The following MAML2 variants were observed in gnomAD, a reference collection of about 807,000 sequenced individuals.
The protein encoded by MAML2 is mastermind-like protein 2.
In MAML2, 22 loss-of-function variants were observed where a neutral mutation model predicts 96.1. The observed-to-expected ratio is 0.23, with a 90% CI of 0.16 to 0.33. MAML2 has a LOEUF of 0.33. Among genes scored for constraint, MAML2 ranks in the 10% least tolerant of loss-of-function variants. The probability of loss-of-function intolerance (pLI) is 1.00; values close to 1 mark genes in which losing one functional copy is unlikely to be tolerated. For missense variants in MAML2, 1,367 were observed against 1,392.4 expected (o/e 0.98, Z 0.29); for synonymous variants, 561 against 521.3 (o/e 1.08, Z -1.04).
chr11:96,147,551 T>C (rs1239024540), intron 1 of MAML2, among the ~76,000 whole-genome samples: 5 of 152,278 alleles, frequency 3.3e-5, no homozygotes, highest in African/African-American at 1.2e-4. Flanking sequence ...AACTTTTGGA[T>C]TCGACTCTTC....
intron 1 of MAML2, among the ~76,000 whole-genome samples, chr11:96,111,007 C>G (rs1181430199): frequency 6.6e-6 from 1 of 152,162 alleles, no homozygotes; most frequent in Non-Finnish European, 1.5e-5. Flanking sequence ...CATGTATTAT[C>G]AAGCCTATCA....
intron 1 of MAML2, among the ~76,000 whole-genome samples, chr11:96,269,563 G>T (rs1028370299): frequency 6.9e-6 from 1 of 144,260 alleles, no homozygotes; most frequent in African/African-American, 2.7e-5. Flanking sequence ...CCAGCCCAGA[G>T]TGCAGTGGCA....
chr11:96,153,466 T>A (rs1860959546), intron 1 of MAML2, among the ~76,000 whole-genome samples: 1 of 152,228 alleles, frequency 6.6e-6, no homozygotes, highest in African/African-American at 2.4e-5. Context: ...TTGATCATCA[T>A]GAATTTATTA....
intron 1 of MAML2, among the ~76,000 whole-genome samples, chr11:96,201,314 A>G (rs888904093): frequency 9.9e-5 from 15 of 152,208 alleles, no homozygotes; most frequent in Admixed American, 2.0e-4. Flanking sequence ...GAAGAAGAGA[A>G]GGATGTTTAA....
chr11:95,979,413 C>T lies in MAML2; in HGVS notation c.3006G>A (p.Gln1002=). 6.2e-7 allele frequency: 1 copy of T among 1,613,672 alleles called. No individual in the cohort carries two copies. Among genetic ancestry groups the T allele is most frequent in the Non-Finnish European group, 8.5e-7 (1 of 1,179,764 alleles). Reference sequence around the variant, plus strand: ...GGGAAAATTGCTGGCTACCTACTGCCTGTTGCAGTGACTGATTTGGGGTAT... The same window carrying T: ...GGGAAAATTGCTGGCTACCTACTGCTTGTTGCAGTGACTGATTTGGGGTAT... ...AAYTPNQSLQ[Q]AVGSQQFSQR... The change falls in exon 5 of 5, where the codon CAG becomes CAA. Residue 1002 remains glutamine (Q), a synonymous_variant. Coordinates refer to ENST00000524717, the MANE Select transcript of MAML2 (RefSeq NM_032427.4).
chr11:96,172,511 C>T (rs559915245), intron 1 of MAML2, among the ~76,000 whole-genome samples: 8 of 152,180 alleles, frequency 5.3e-5, no homozygotes, highest in Non-Finnish European at 8.8e-5. Context: ...CGTCCTCTTA[C>T]GCGAGAAGGA....
At chr11:95,988,143 G>GTA (rs1170607485) in intron 3 of MAML2, among the ~76,000 whole-genome samples, 164 of 151,598 alleles carry the variant, frequency 1.1e-3, no homozygotes, top group African/African-American at 3.7e-3. Flanking sequence ...GTGTGTGTGT[G>GTA]TATGTGTGAG....
At chr11:95,993,960 C>G (rs906103657) in intron 2 of MAML2, among the ~76,000 whole-genome samples, 1 of 152,202 alleles carries the variant, frequency 6.6e-6, no homozygotes, top group Non-Finnish European at 1.5e-5. Flanking sequence ...GATGAGAAAC[C>G]TGAGCTCAGA....
chr11:96,219,976 G>A (rs1421062648), intron 1 of MAML2, among the ~76,000 whole-genome samples: 1 of 152,252 alleles, frequency 6.6e-6, no homozygotes, highest in African/African-American at 2.4e-5. Flanking sequence ...TCATCATGTT[G>A]TATTAAATGA....
At chr11:96,030,214 C>A (rs1858591268) in intron 2 of MAML2, among the ~76,000 whole-genome samples, 1 of 148,932 alleles carries the variant, frequency 6.7e-6, no homozygotes, top group East Asian at 2.0e-4. Context: ...CCAGCCTGGG[C>A]AACAGAGTGA....
intron 1 of MAML2, among the ~76,000 whole-genome samples, chr11:96,140,975 A>C (rs1298425972): frequency 6.6e-6 from 1 of 152,178 alleles, no homozygotes; most frequent in African/African-American, 2.4e-5. Context: ...AACATATAGG[A>C]TGCCTAGTTA....
intron 1 of MAML2, among the ~76,000 whole-genome samples, chr11:96,338,556 T>C (rs974033865): frequency 6.6e-6 from 1 of 152,228 alleles, no homozygotes; most frequent in Non-Finnish European, 1.5e-5. Flanking sequence ...CAAACAGAAG[T>C]TGTCCTTTCA....
chr11:96,196,600 A>G (rs1456987008), intron 1 of MAML2, among the ~76,000 whole-genome samples: 1 of 152,256 alleles, frequency 6.6e-6, no homozygotes. Flanking sequence ...GCTCTAGTGA[A>G]TAACAGGGGA....
chr11:96,123,923 A>G (rs971936989), intron 1 of MAML2, among the ~76,000 whole-genome samples: 1 of 151,870 alleles, frequency 6.6e-6, no homozygotes, highest in African/African-American at 2.4e-5. Context: ...TACAAAAATT[A>G]GCCGGGCATG....
rs144541565 is a variant in MAML2 at position 96,234,300 on chromosome 11, G to A, written c.513+107083C>T. Among the ~76,000 whole-genome samples, 1,185 of 152,174 alleles carry A rather than the reference G, an allele frequency of 7.8e-3. 18 individuals carry two copies. The highest frequency in any genetic ancestry group is 0.027 in the African/African-American group (1,140 of 41,510). ...AGTTCGAGACCAGCCTGACCAACGTGGAGGAACCATGTCTCTACTAAAAAT... is the reference window on the plus strand; with the variant it reads ...AGTTCGAGACCAGCCTGACCAACGTAGAGGAACCATGTCTCTACTAAAAAT... On this transcript the variant is annotated intron_variant, in intron 1 of 4. Transcript: ENST00000524717.
chr11:96,299,081 A>ATATATATATATATATATATATATAT (rs1487119307), intron 1 of MAML2, among the ~76,000 whole-genome samples: 10 of 136,376 alleles, frequency 7.3e-5, no homozygotes, highest in African/African-American at 1.9e-4. Flanking sequence ...ATATATATAT[A>ATATATATATATATATATATATATAT]AAATTTCACC....
At chr11:96,160,852 A>G (rs1861092705) in intron 1 of MAML2, among the ~76,000 whole-genome samples, 1 of 141,916 alleles carries the variant, frequency 7.0e-6, no homozygotes. Context: ...GTCCTCTTGC[A>G]GTATCTATTA....
At chr11:96,179,996 T>C (rs764670092) in intron 1 of MAML2, among the ~76,000 whole-genome samples, 1 of 152,224 alleles carries the variant, frequency 6.6e-6, no homozygotes, top group Admixed American at 6.5e-5. Context: ...ACTATAACCA[T>C]AGTGGTTTCA....
chr11:96,326,582 G>C (rs1320972908), intron 1 of MAML2, among the ~76,000 whole-genome samples: 1 of 151,934 alleles, frequency 6.6e-6, no homozygotes, highest in East Asian at 1.9e-4. Flanking sequence ...GGATCACGAG[G>C]TCAGGAGTTC....
Sources: gnomAD v4.1 joint callset for allele counts (sites outside exome capture counted in the v4.1 genomes callset) on GRCh38, gnomAD v4.1.1 for gene constraint, MANE v1.5 for transcripts, NCBI Gene and HGNC (gene_info 2026-07-23, HGNC 2026-07-21) for gene names.